Variants in ARHGAP6 observed in about 807,000 individuals in gnomAD.
ARHGAP6 encodes the protein rho GTPase-activating protein 6.
In ARHGAP6, 16 loss-of-function variants were observed where a neutral mutation model predicts 55.7. That is an observed-to-expected ratio of 0.29 (90% confidence interval 0.19 to 0.44). ARHGAP6 has a LOEUF of 0.44. Among genes scored for constraint, ARHGAP6 ranks in the 20% least tolerant of loss-of-function variants. ARHGAP6 has a pLI of 1.00. For missense variants in ARHGAP6, 698 were observed against 808.9 expected (o/e 0.86, Z 1.66); for synonymous variants, 382 against 360.9 (o/e 1.06, Z -0.66).
At chrX:11,664,215 G>A (rs766049940) in intron 1 of ARHGAP6, 26 bp downstream of exon 1, 16 of 1,171,321 alleles carry the variant, frequency 1.4e-5, no homozygotes, top group South Asian at 1.9e-5. Flanking sequence ...TCCTTGGGCC[G>A]TGGGACGCGC....
At chrX:11,270,778 G>A (rs2047683581) in intron 1 of ARHGAP6, among the ~76,000 whole-genome samples, 1 of 111,870 alleles carries the variant, frequency 8.9e-6, no homozygotes. Flanking sequence ...CTGACTCTAG[G>A]AATTCTTTCT....
At chrX:11,506,333 C>A (rs140673999) in intron 1 of ARHGAP6, among the ~76,000 whole-genome samples, 1 of 110,545 alleles carries the variant, frequency 9.0e-6, no homozygotes, top group Non-Finnish European at 1.9e-5. Context: ...GGTGGTTTGC[C>A]GCACCCATCA....
At chrX:11,623,199 C>CA (rs2052250822) in intron 1 of ARHGAP6, among the ~76,000 whole-genome samples, 1 of 110,469 alleles carries the variant, frequency 9.1e-6, no homozygotes, top group South Asian at 3.8e-4. Flanking sequence ...AAGACTCTGC[C>CA]AAAAAAATGT....
At chrX:11,305,580 G>T (rs1307433467) in intron 1 of ARHGAP6, among the ~76,000 whole-genome samples, 1 of 111,583 alleles carries the variant, frequency 9.0e-6, no homozygotes, top group East Asian at 2.8e-4. Flanking sequence ...AAGAACCTCT[G>T]AAAGTGATTG....
rs772733705 is a variant in ARHGAP6 at position 11,279,683 on chromosome X, G to T, written c.589-24976C>A. Among the ~76,000 whole-genome samples, 21 of 110,385 alleles carry T rather than the reference G, an allele frequency of 1.9e-4. No individual in the cohort carries two copies. The South Asian group carries it at 8.1e-3, about 43-fold the overall frequency. ...TCCATTTTTTTTTAATAATAATAAA[G>T]ATTATGACTAATAAACCTAACAACT... On this transcript the variant is annotated intron_variant, in intron 1 of 12. Transcript: ENST00000337414.
chrX:11,547,647 A>T (rs1215065004), intron 1 of ARHGAP6, among the ~76,000 whole-genome samples: 1 of 111,784 alleles, frequency 8.9e-6, no homozygotes, highest in Non-Finnish European at 1.9e-5. Flanking sequence ...CTCCTCTCTC[A>T]GGGAGAAAGC....
chrX:11,316,808 T>A (rs1460994740), intron 1 of ARHGAP6, among the ~76,000 whole-genome samples: 1 of 112,383 alleles, frequency 8.9e-6, no homozygotes, highest in Non-Finnish European at 1.9e-5. Flanking sequence ...AAGTGCAGCA[T>A]TTGTCTTTGC....
At chrX:11,269,100 T>C (rs2047664278) in intron 1 of ARHGAP6, among the ~76,000 whole-genome samples, 1 of 111,637 alleles carries the variant, frequency 9.0e-6, no homozygotes, top group Middle Eastern at 4.6e-3. Flanking sequence ...AATCTAACAG[T>C]ATGAATGACA....
intron 1 of ARHGAP6, among the ~76,000 whole-genome samples, chrX:11,643,857 G>A (rs2052500664): frequency 9.0e-6 from 1 of 111,354 alleles, no homozygotes; most frequent in Non-Finnish European, 1.9e-5. Flanking sequence ...CTAGCCTGCT[G>A]GAGAATGAGG....
chrX:11,466,158 G>T (rs2050291021), intron 1 of ARHGAP6, among the ~76,000 whole-genome samples: 1 of 111,552 alleles, frequency 9.0e-6, no homozygotes, highest in African/African-American at 3.3e-5. Context: ...TCTCTTTGTA[G>T]AGTACACATT....
rs370700028 is a variant in ARHGAP6 at position 11,169,590 on chromosome X, A to G, written c.1724T>C (p.Val575Ala). Residue 575 changes from valine to alanine, a missense_variant, in exon 9 of 13, where the codon GTT becomes GCT. Physicochemically the swap from Val to Ala is moderately conservative, Grantham distance 64. This residue lies in a region of ARHGAP6 where 322 missense variants were observed against 451.1 expected (regional missense o/e 0.71). Coordinates refer to ENST00000337414, the MANE Select transcript of ARHGAP6 (RefSeq NM_013427.3). ...CTCCTCAGCCCGGGCTGAACTCTGAACTGAGAATTCTTTGTCTGATGACTT... is the reference window on the plus strand; with the variant it reads ...CTCCTCAGCCCGGGCTGAACTCTGAGCTGAGAATTCTTTGTCTGATGACTT... Reference protein sequence around the residue: ...KQKSSDKEFSVQSSARAEEST... With the variant: ...KQKSSDKEFSAQSSARAEEST... 1 of 1,206,592 alleles carries G rather than the reference A, an allele frequency of 8.3e-7. No individual in the cohort carries two copies. Among genetic ancestry groups the G allele is most frequent in the African/African-American group, 1.8e-5 (1 of 56,657 alleles).
intron 2 of ARHGAP6, among the ~76,000 whole-genome samples, chrX:11,204,537 A>G (rs764573800): frequency 2.5e-4 from 28 of 111,875 alleles, no homozygotes; most frequent in Non-Finnish European, 4.9e-4. Flanking sequence ...CAGTGTTTTG[A>G]TGACCATTGT....
intron 1 of ARHGAP6, among the ~76,000 whole-genome samples, chrX:11,577,387 C>T (rs779398945): frequency 8.9e-6 from 1 of 112,128 alleles, no homozygotes; most frequent in Non-Finnish European, 1.9e-5. Context: ...AGTGGATATG[C>T]TTCAGAGTTA....
intron 1 of ARHGAP6, among the ~76,000 whole-genome samples, chrX:11,655,615 G>A (rs1454235494): frequency 1.3e-4 from 15 of 111,892 alleles, no homozygotes; most frequent in Admixed American, 1.2e-3. Context: ...TTTGATTCAC[G>A]TTTCCCTAAT....
chrX:11,600,851 T>C (rs1304216052), intron 1 of ARHGAP6, among the ~76,000 whole-genome samples: 3 of 111,771 alleles, frequency 2.7e-5, no homozygotes, highest in Admixed American at 9.5e-5. Flanking sequence ...CAGCTTCCCA[T>C]TGTGGGCCAC....
intron 1 of ARHGAP6, among the ~76,000 whole-genome samples, chrX:11,518,292 C>A (rs1251550322): frequency 1.8e-5 from 2 of 109,885 alleles, no homozygotes. Flanking sequence ...AGATGCATAC[C>A]ACCACACTTG....
chrX:11,341,805 C>T (rs1198718074), intron 1 of ARHGAP6, among the ~76,000 whole-genome samples: 16 of 111,725 alleles, frequency 1.4e-4, no homozygotes, highest in African/African-American at 4.9e-4. Flanking sequence ...TGTTACTCAT[C>T]ATCGTATATT....
intron 1 of ARHGAP6, among the ~76,000 whole-genome samples, chrX:11,603,782 A>G (rs1286571458): frequency 8.9e-6 from 1 of 112,376 alleles, no homozygotes; most frequent in Admixed American, 9.4e-5. Context: ...TTAAAGGTGC[A>G]CTTTTATGGT....
chrX:11,161,290 T>C (rs969142324), intron 9 of ARHGAP6, among the ~76,000 whole-genome samples: 3 of 112,298 alleles, frequency 2.7e-5, no homozygotes, highest in Non-Finnish European at 5.6e-5. Flanking sequence ...TCTATTAATT[T>C]AGGTACTTAA....
Sources: allele counts gnomAD v4.1 joint callset (sites outside exome capture counted in the v4.1 genomes callset), GRCh38; gene constraint gnomAD v4.1.1; regional missense constraint gnomAD v4.1.1; transcripts MANE v1.5; gene names NCBI Gene and HGNC (gene_info 2026-07-23, HGNC 2026-07-21).